Variants in PRKCB observed in about 807,000 individuals in gnomAD.
PRKCB encodes protein kinase C beta type.
In PRKCB, 13 loss-of-function variants were observed where a neutral mutation model predicts 81.5. The ratio of observed to expected loss-of-function variants is 0.16; its 90% confidence interval spans 0.10 to 0.25. The LOEUF (loss-of-function observed/expected upper bound fraction) is 0.25, where lower values mean the gene tolerates loss of function less well. Among genes scored for constraint, PRKCB ranks in the 10% least tolerant of loss-of-function variants. The pLI, the probability that PRKCB is intolerant of heterozygous loss-of-function variation, is 1.00. For missense variants in PRKCB, 509 were observed against 875.7 expected, an observed-to-expected ratio of 0.58 and a Z score of 5.29; for synonymous variants, 335 against 321.4, an observed-to-expected ratio of 1.04 and a Z score of -0.45.
intron 2 of PRKCB, among the ~76,000 whole-genome samples, chr16:23,899,002 G>A (rs55942918): frequency 0.012 from 1,900 of 152,296 alleles, 42 homozygotes; most frequent in African/African-American, 0.044. Flanking sequence ...AGAGACAGCC[G>A]TTGTGACTGT....
At chr16:24,097,290 C>T (rs1009598124) in intron 7 of PRKCB, among the ~76,000 whole-genome samples, 7 of 152,140 alleles carry the variant, frequency 4.6e-5, no homozygotes, top group African/African-American at 1.7e-4. Context: ...CCTGCCTTGG[C>T]CTCCCAAAGT....
At chr16:24,085,154 A>G (rs1210611412) in intron 5 of PRKCB, among the ~76,000 whole-genome samples, 1 of 151,640 alleles carries the variant, frequency 6.6e-6, no homozygotes, top group African/African-American at 2.4e-5. Flanking sequence ...GAAATGAAAA[A>G]AAAAAAAAAG....
At chr16:23,840,850 T>C (rs1306314904) in intron 2 of PRKCB, among the ~76,000 whole-genome samples, 1 of 152,202 alleles carries the variant, frequency 6.6e-6, no homozygotes, top group Non-Finnish European at 1.5e-5. Flanking sequence ...CGTATGATGA[T>C]AGGACGAAAC....
At chr16:24,009,426 ATTT>A (rs550009011) in intron 3 of PRKCB, among the ~76,000 whole-genome samples, 4 of 139,856 alleles carry the variant, frequency 2.9e-5, no homozygotes, top group African/African-American at 5.2e-5. Flanking sequence ...TAGGATGACT[ATTT>A]TTTTTTTTTT....
intron 2 of PRKCB, among the ~76,000 whole-genome samples, chr16:23,844,489 C>A (rs6497689): frequency 0.78 from 118,718 of 152,110 alleles, 46,542 homozygotes; most frequent in East Asian, 0.94. Flanking sequence ...GCATCCATCC[C>A]TTCACTCCAT....
At chr16:23,949,679 C>T (rs996339553) in intron 2 of PRKCB, among the ~76,000 whole-genome samples, 2 of 152,220 alleles carry the variant, frequency 1.3e-5, no homozygotes, top group African/African-American at 4.8e-5. Flanking sequence ...ACTAGCCAGA[C>T]AAGCTGTCAT....
At chr16:23,882,425 A>G (rs949005142) in intron 2 of PRKCB, among the ~76,000 whole-genome samples, 5 of 151,876 alleles carry the variant, frequency 3.3e-5, no homozygotes, top group African/African-American at 9.7e-5. Flanking sequence ...GGTTCTTGCT[A>G]TGTTGCCCAG....
chr16:24,078,458 C>T (rs1206478891), intron 5 of PRKCB, among the ~76,000 whole-genome samples: 1 of 152,216 alleles, frequency 6.6e-6, no homozygotes, highest in Non-Finnish European at 1.5e-5. Context: ...GGATGCCTGA[C>T]TCCCAAACCA....
intron 5 of PRKCB, among the ~76,000 whole-genome samples, chr16:24,069,356 A>T (rs1183663013): frequency 6.6e-6 from 1 of 152,194 alleles, no homozygotes; most frequent in Non-Finnish European, 1.5e-5. Context: ...CAGCTGCTGG[A>T]TTCCTGCCTC....
intron 12 of PRKCB, among the ~76,000 whole-genome samples, chr16:24,180,543 G>A (rs1967601562): frequency 6.6e-6 from 1 of 152,126 alleles, no homozygotes; most frequent in Non-Finnish European, 1.5e-5. Flanking sequence ...CAGAAGTGCT[G>A]TCTCTTTGTG....
At chr16:24,094,826 AG>A (rs1966419477) in intron 7 of PRKCB, among the ~76,000 whole-genome samples, 1 of 146,214 alleles carries the variant, frequency 6.8e-6, no homozygotes, top group Non-Finnish European at 1.5e-5. Context: ...GAAGGAAGGA[AG>A]GAAGGAAGGA....
intron 15 of PRKCB, among the ~76,000 whole-genome samples, chr16:24,186,858 G>A (rs1254101959): frequency 6.6e-6 from 1 of 152,164 alleles, no homozygotes; most frequent in African/African-American, 2.4e-5. Flanking sequence ...GTATCCCTGG[G>A]GAAACCACCT....
chr16:24,033,195 G>A (rs1965570187), intron 4 of PRKCB, among the ~76,000 whole-genome samples: 1 of 152,164 alleles, frequency 6.6e-6, no homozygotes, highest in Admixed American at 6.5e-5. Flanking sequence ...GGTGTCATGA[G>A]GCTAGTGGTA....
chr16:24,124,025 C>G, intron 9 of PRKCB, 44 bp downstream of exon 9: 1 of 1,610,242 alleles, frequency 6.2e-7, no homozygotes, highest in Non-Finnish European at 8.5e-7. Flanking sequence ...GAAGGAACAT[C>G]TAACAACACA....
In PRKCB at chr16:24,214,647, C is replaced by A; in HGVS notation, c.1864-11C>A. Reference sequence around the variant, plus strand: ...CCACCCACCACAAGTTCTTTTCTTCCCCTCTCATAGTGTGGGCGAAATGCT... The same window carrying A: ...CCACCCACCACAAGTTCTTTTCTTCACCTCTCATAGTGTGGGCGAAATGCT... On this transcript the variant is annotated splice_polypyrimidine_tract_variant and intron_variant, in intron 16 of 16. Coordinates refer to ENST00000643927, the MANE Select transcript of PRKCB (RefSeq NM_002738.7). The A allele has an allele frequency of 1.9e-6, 3 of 1,605,416 alleles. No individual in the cohort carries two copies. The highest frequency in any genetic ancestry group is 2.6e-6 in the Non-Finnish European group (3 of 1,175,538).
chr16:23,981,703 CCCCTTCCCTTT>C (rs1567333430), intron 2 of PRKCB, among the ~76,000 whole-genome samples: 71 of 66,736 alleles, frequency 1.1e-3, no homozygotes, highest in Non-Finnish European at 1.3e-3. Context: ...CCCTTCCCTT[CCCCTTCCCTTT>C]CCCTTCCCCT....
At chr16:24,136,606 T>A (rs956499676) in intron 9 of PRKCB, among the ~76,000 whole-genome samples, 32 of 152,138 alleles carry the variant, frequency 2.1e-4, no homozygotes, top group Non-Finnish European at 4.1e-4. Flanking sequence ...CATGTCTAAT[T>A]CTCACATGTA....
At chr16:24,003,734 G>C (rs1965073162) in intron 3 of PRKCB, among the ~76,000 whole-genome samples, 1 of 152,104 alleles carries the variant, frequency 6.6e-6, no homozygotes, top group Non-Finnish European at 1.5e-5. Flanking sequence ...GATGGAGTTG[G>C]TTCTCTATCA....
rs555223585 is a variant in PRKCB at position 24,174,040 on chromosome 16, A to T, written c.1332-478A>T. 3.9e-5 allele frequency among the ~76,000 whole-genome samples: 6 copies of T among 151,956 alleles called. No individual in the cohort carries two copies. In the East Asian group the frequency reaches 9.7e-4, roughly 25 times the overall value. On this transcript the variant is annotated intron_variant, in intron 11 of 16. Coordinates refer to ENST00000643927, the MANE Select transcript of PRKCB (RefSeq NM_002738.7). ...TTGGGGGGGTGGGGGACAGGGTCTC[A>T]CTCTGTTGCTCAGACTGGAATGCAT...
Sources: gnomAD v4.1 joint callset for allele counts (sites outside exome capture counted in the v4.1 genomes callset) on GRCh38, gnomAD v4.1.1 for gene constraint, MANE v1.5 for transcripts, NCBI Gene and HGNC (gene_info 2026-07-23, HGNC 2026-07-21) for gene names.